Variants in MED13 observed in about 807,000 individuals in gnomAD.
The protein encoded by MED13 is mediator of RNA polymerase II transcription subunit 13.
A neutral mutation model predicts 225.2 loss-of-function variants in MED13; 23 were observed. The observed-to-expected ratio is 0.10, with a 90% CI of 0.07 to 0.14. The LOEUF (loss-of-function observed/expected upper bound fraction) is 0.14, where lower values mean the gene tolerates loss of function less well. MED13 is among the 10% of genes least tolerant of loss of function. The probability of loss-of-function intolerance (pLI) is 1.00; values close to 1 mark genes in which losing one functional copy is unlikely to be tolerated. For missense variants in MED13, 2,197 were observed against 2,594.5 expected, an observed-to-expected ratio of 0.85 and a Z score of 3.33; for synonymous variants, 942 against 889.2, an observed-to-expected ratio of 1.06 and a Z score of -1.06.
intron 11 of MED13, among the ~76,000 whole-genome samples, chr17:61,987,828 T>C (rs2080261445): frequency 1.3e-5 from 2 of 152,098 alleles, no homozygotes; most frequent in Admixed American, 6.6e-5. Flanking sequence ...CACACCTCAC[T>C]GTAGCCTTGA....
intron 3 of MED13, among the ~76,000 whole-genome samples, chr17:62,041,975 A>C (rs2080856587): frequency 6.6e-6 from 1 of 152,202 alleles, no homozygotes; most frequent in Admixed American, 6.5e-5. Flanking sequence ...AAAATTTCCA[A>C]AGCCCAGATT....
At chr17:61,963,075 A>C in intron 20 of MED13, 104 bp from the exon 21 acceptor site, 2 of 856,454 alleles carry the variant, frequency 2.3e-6, no homozygotes, top group Non-Finnish European at 3.7e-6. Context: ...TTTTGGTGAA[A>C]GGTGTCAGAA....
intron 3 of MED13, among the ~76,000 whole-genome samples, chr17:62,044,018 A>T (rs1567998334): frequency 6.6e-6 from 1 of 152,150 alleles, no homozygotes; most frequent in Non-Finnish European, 1.5e-5. Context: ...TTCTCTAGAA[A>T]TTTGCCTTTT....
chr17:62,063,043 T>A (rs373996263), intron 2 of MED13, 24 bp downstream of exon 2: 3 of 1,544,708 alleles, frequency 1.9e-6, no homozygotes, highest in Non-Finnish European at 2.7e-6. Context: ...ATATCATTAG[T>A]TAGAAATGGA....
chr17:62,062,853 G>GAAAGTCAT (rs1478301411), intron 2 of MED13, among the ~76,000 whole-genome samples: 1 of 152,144 alleles, frequency 6.6e-6, no homozygotes, highest in East Asian at 1.9e-4. Context: ...GGTGGAAGGA[G>GAAAGTCAT]AAAGTCATTC....
In MED13 at chr17:62,011,339, TG is replaced by T. The variant is rs562263005; in HGVS notation, c.1284-107del. 1.5e-3 allele frequency: 1,414 copies of T among 945,480 alleles called. 5 individuals are homozygous for T. The highest frequency in any genetic ancestry group is 2.0e-3 in the Admixed American group (61 of 29,764). The allele number at this position is 945,480 out of a possible 1,614,324, so 58.6% of individuals were successfully genotyped here. ...CTTCGGTTATCATTTCTTTTTCACA[TG>T]TAATACTAAAAGTAAAATAATTTGA... is the stretch of plus-strand genomic sequence containing the variant. On this transcript the variant is annotated intron_variant, in intron 8 of 29. Coordinates refer to ENST00000397786, the MANE Select transcript of MED13 (RefSeq NM_005121.3).
rs138156695 is a variant in MED13 at position 61,983,180 on chromosome 17, A to C, written c.2889-66T>G. On this transcript the variant is annotated intron_variant, in intron 15 of 29. Coordinates refer to ENST00000397786, the MANE Select transcript of MED13 (RefSeq NM_005121.3). ...AAGGAACATATTAGTAATGTGAAATACAACTAAAAACGTCCCAAATGTTTT... is the reference window on the plus strand; with the variant it reads ...AAGGAACATATTAGTAATGTGAAATCCAACTAAAAACGTCCCAAATGTTTT... The C allele has an allele frequency of 3.0e-4, 372 of 1,252,114 alleles. 3 individuals are homozygous for C. In the African/African-American group the frequency reaches 5.3e-3, roughly 18 times the overall value. The allele number at this position is 1,252,114 out of a possible 1,614,324, so 77.6% of individuals were successfully genotyped here.
chr17:62,022,035 G>A (rs1241788775), intron 8 of MED13, among the ~76,000 whole-genome samples: 1 of 151,802 alleles, frequency 6.6e-6, no homozygotes, highest in African/African-American at 2.4e-5. Context: ...GGATGTGGTG[G>A]TATATACCTG....
At chr17:62,026,641 A>C (rs1217836868) in intron 8 of MED13, among the ~76,000 whole-genome samples, 1 of 151,460 alleles carries the variant, frequency 6.6e-6, no homozygotes, top group Admixed American at 6.6e-5. Context: ...GAAAGGAAAC[A>C]AAAGTAACCC....
chr17:62,064,096 G>C (rs886631458), intron 1 of MED13, among the ~76,000 whole-genome samples: 1 of 152,214 alleles, frequency 6.6e-6, no homozygotes, highest in Non-Finnish European at 1.5e-5. Flanking sequence ...TGAAACTGCT[G>C]ATACATGACT....
rs1304147220 is a variant in MED13, at chr17:62,038,141, T to A, written c.471-2533A>T. Reference sequence around the variant, plus strand: ...TAAAAACAGCCAGTCATGCCTGTTATCTCAGCACTTGGGAGGCTGAGGCAA... The same window carrying A: ...TAAAAACAGCCAGTCATGCCTGTTAACTCAGCACTTGGGAGGCTGAGGCAA... On this transcript the variant is annotated intron_variant, in intron 3 of 29. Coordinates refer to ENST00000397786, the MANE Select transcript of MED13 (RefSeq NM_005121.3). Among the ~76,000 whole-genome samples the A allele has an allele frequency of 4.6e-5, 7 of 152,058 alleles. 1 individual carries two copies. The highest frequency in any genetic ancestry group is 2.1e-4 in the South Asian group (1 of 4,824).
intron 9 of MED13, chr17:62,006,151 A>G (rs1185253555): frequency 2.6e-5 from 4 of 152,070 alleles, no homozygotes; most frequent in Non-Finnish European, 5.9e-5. Context: ...GCCCAACTAC[A>G]TAAACAACAG....
intron 1 of MED13, among the ~76,000 whole-genome samples, chr17:62,064,377 T>C (rs2081064537): frequency 6.6e-6 from 1 of 152,168 alleles, no homozygotes. Flanking sequence ...CGACTTTCCA[T>C]TTCAATCAAA....
intron 2 of MED13, among the ~76,000 whole-genome samples, chr17:62,058,117 A>G (rs2081009509): frequency 6.6e-6 from 1 of 152,194 alleles, no homozygotes; most frequent in African/African-American, 2.4e-5. Context: ...CACCACAGAG[A>G]TTCTTGACCA....
rs190473726 is a variant in MED13, at chr17:61,966,369, G to T, written c.4381+93C>A. 8 of 974,032 alleles carry T rather than the reference G, an allele frequency of 8.2e-6. No homozygotes were observed. In the East Asian group the frequency reaches 2.0e-4, roughly 24 times the overall value. The allele number at this position is 974,032 out of a possible 1,614,324, so 60.3% of individuals were successfully genotyped here. A position where few individuals can be genotyped will look rare whatever the true frequency, so the allele number is the denominator to read the frequency against. ...AGAAAATACATAAATGAGGATGGCT[G>T]TGTTCCAATAAAATTTTATCTACAA... On this transcript the variant is annotated intron_variant, in intron 19 of 29. Coordinates refer to ENST00000397786, the MANE Select transcript of MED13 (RefSeq NM_005121.3).
At chr17:62,039,121 A>T (rs2080830925) in intron 3 of MED13, among the ~76,000 whole-genome samples, 2 of 152,216 alleles carry the variant, frequency 1.3e-5, no homozygotes, top group Admixed American at 6.5e-5. Flanking sequence ...TTTATCTGCC[A>T]CTACCCTATT....
intron 12 of MED13, among the ~76,000 whole-genome samples, chr17:61,986,063 C>A (rs1235707962): frequency 6.6e-6 from 1 of 152,122 alleles, no homozygotes; most frequent in Non-Finnish European, 1.5e-5. Flanking sequence ...AATATGTAGA[C>A]CACGTTCTGA....
At chr17:61,967,643 GATTT>G (rs2080070547) in intron 18 of MED13, among the ~76,000 whole-genome samples, 1 of 152,138 alleles carries the variant, frequency 6.6e-6, no homozygotes, top group African/African-American at 2.4e-5. Flanking sequence ...ATCTAGCATA[GATTT>G]ATTTTACATA....
Position 61,955,529 on chromosome 17 carries a change from T to A in MED13, c.5821A>T (p.Thr1941Ser), listed in dbSNP as rs1245598644. Residue 1941 changes from threonine (T) to serine (S), a missense_variant, in exon 26 of 30, where the codon ACT becomes TCT. Physicochemically the swap from Thr to Ser is moderately conservative, Grantham distance 58 (BLOSUM62 1). Around this residue, in one of 12 missense-constraint regions of MED13, gnomAD observed 216 missense variants for 388.9 expected, o/e 0.56. Coordinates refer to ENST00000397786, the MANE Select transcript of MED13 (RefSeq NM_005121.3). ...AGCTGAGATGTCTGCATATTTAGAGTCGTGCTTCTTCCAAATACAGAACCA... is the reference window on the plus strand; with the variant it reads ...AGCTGAGATGTCTGCATATTTAGAGACGTGCTTCTTCCAAATACAGAACCA... ...STGSVFGRSTTLNMQTSQLNT... is the reference protein window; with the variant it reads ...STGSVFGRSTSLNMQTSQLNT... The A allele has an allele frequency of 6.3e-7, 1 of 1,575,604 alleles. No homozygotes were observed. The highest frequency in any genetic ancestry group is 1.2e-5 in the South Asian group (1 of 83,764).
Sources: allele counts gnomAD v4.1 joint callset (sites outside exome capture counted in the v4.1 genomes callset), GRCh38; gene constraint gnomAD v4.1.1; regional missense constraint gnomAD v4.1.1; transcripts MANE v1.5; gene names NCBI Gene and HGNC (gene_info 2026-07-23, HGNC 2026-07-21).